The following NUBPL variants were observed in gnomAD, a reference collection of about 807,000 sequenced individuals.
NUBPL encodes the protein NUBP iron-sulfur cluster assembly factor, mitochondrial, also known as iron-sulfur cluster transfer protein NUBPL.
In NUBPL, 31 loss-of-function variants were observed where a neutral mutation model predicts 45.7. The ratio of observed to expected loss-of-function variants is 0.68; its 90% CI spans 0.51 to 0.92. The LOEUF is 0.92. Among genes scored for constraint, NUBPL ranks in the 40% least tolerant of loss-of-function variants. The probability of loss-of-function intolerance (pLI) is 0.00; values close to 1 mark genes in which losing one functional copy is unlikely to be tolerated. For missense variants in NUBPL, 401 were observed against 398.7 expected, an observed-to-expected ratio of 1.01 and a Z score of -0.05; for synonymous variants, 144 against 140.9, an observed-to-expected ratio of 1.02 and a Z score of -0.15.
intron 7 of NUBPL, among the ~76,000 whole-genome samples, chr14:31,791,970 T>G (rs1267283425): frequency 1.3e-5 from 2 of 152,194 alleles, no homozygotes; most frequent in African/African-American, 4.8e-5. Flanking sequence ...ATTTTCAAAT[T>G]TAATTCTTAC....
At chr14:31,810,794 C>G (rs2039787562) in intron 7 of NUBPL, among the ~76,000 whole-genome samples, 1 of 152,180 alleles carries the variant, frequency 6.6e-6, no homozygotes, top group African/African-American at 2.4e-5. Context: ...CCTTCAGGAG[C>G]TTTTGTAAGG....
At chr14:31,639,314 G>C (rs2035608305) in intron 4 of NUBPL, among the ~76,000 whole-genome samples, 1 of 152,192 alleles carries the variant, frequency 6.6e-6, no homozygotes, top group African/African-American at 2.4e-5. Context: ...AGGACCCTCA[G>C]CTGCAGGTCT....
At chr14:31,583,818 T>C (rs2033925709) in intron 3 of NUBPL, among the ~76,000 whole-genome samples, 1 of 152,166 alleles carries the variant, frequency 6.6e-6, no homozygotes, top group South Asian at 2.1e-4. Flanking sequence ...GGAGGTAGAA[T>C]TGGTAGGTCT....
intron 7 of NUBPL, among the ~76,000 whole-genome samples, chr14:31,801,989 A>G (rs966178912): frequency 2.6e-5 from 4 of 152,176 alleles, no homozygotes; most frequent in African/African-American, 9.7e-5. Flanking sequence ...GTGTGATACC[A>G]TTGCTGTGGT....
chr14:31,641,568 A>G (rs1352181713), intron 4 of NUBPL, among the ~76,000 whole-genome samples: 1 of 152,038 alleles, frequency 6.6e-6, no homozygotes, highest in Non-Finnish European at 1.5e-5. Context: ...TATTTTGTTT[A>G]TCCATATGCC....
At chr14:31,628,730 C>T (rs1453325670) in intron 4 of NUBPL, among the ~76,000 whole-genome samples, 1 of 152,066 alleles carries the variant, frequency 6.6e-6, no homozygotes, top group South Asian at 2.1e-4. Context: ...GGCTTTTCTT[C>T]GAGGTAGCTA....
intron 6 of NUBPL, among the ~76,000 whole-genome samples, chr14:31,736,383 A>C (rs752504988): frequency 1.3e-5 from 2 of 152,140 alleles, no homozygotes; most frequent in Non-Finnish European, 2.9e-5. Flanking sequence ...TTGTGTCTTT[A>C]TACTCAATAC....
intron 6 of NUBPL, among the ~76,000 whole-genome samples, chr14:31,725,437 T>C (rs1292035121): frequency 6.6e-6 from 1 of 152,310 alleles, no homozygotes; most frequent in Non-Finnish European, 1.5e-5. Flanking sequence ...GATATCAGAT[T>C]TTTTTTGGAT....
chr14:31,622,338 C>A (rs2035085317), intron 4 of NUBPL, among the ~76,000 whole-genome samples: 1 of 152,098 alleles, frequency 6.6e-6, no homozygotes, highest in South Asian at 2.1e-4. Context: ...ATATTGCAGC[C>A]TGACCATACG....
intron 6 of NUBPL, among the ~76,000 whole-genome samples, chr14:31,766,399 A>G (rs1476278016): frequency 6.6e-6 from 1 of 152,208 alleles, no homozygotes; most frequent in Non-Finnish European, 1.5e-5. Flanking sequence ...ATTTTTTAAA[A>G]TAAAGGATTC....
At chr14:31,834,395 G>A (rs12883664) in intron 8 of NUBPL, among the ~76,000 whole-genome samples, 3,765 of 152,072 alleles carry the variant, frequency 0.025, 64 homozygotes, top group Middle Eastern at 0.078. Flanking sequence ...TAGCCAGGAT[G>A]GTCTCGATCT....
intron 4 of NUBPL, among the ~76,000 whole-genome samples, chr14:31,630,902 A>C (rs886771192): frequency 2.0e-5 from 3 of 152,160 alleles, no homozygotes; most frequent in Admixed American, 6.5e-5. Context: ...CATTCATGTG[A>C]AAACTCCACA....
At chr14:31,662,286 TTATTTTATTTTA>T (rs2036289782) in intron 4 of NUBPL, 1 of 54,688 alleles carries the variant, frequency 1.8e-5, no homozygotes, top group Non-Finnish European at 7.9e-5. Context: ...TATATTTATT[TTATTTTATTTTA>T]CTTTATTTTA....
At chr14:31,829,659 C>T (rs1222604291) in intron 8 of NUBPL, among the ~76,000 whole-genome samples, 1 of 152,134 alleles carries the variant, frequency 6.6e-6, no homozygotes, top group Non-Finnish European at 1.5e-5. Flanking sequence ...GTCCAGCTCT[C>T]TGTTTTTCCC....
chr14:31,683,856 A>G (rs1595489479), intron 6 of NUBPL, among the ~76,000 whole-genome samples: 1 of 152,032 alleles, frequency 6.6e-6, no homozygotes, highest in South Asian at 2.1e-4. Context: ...TTTTCACTGC[A>G]TATAGAATTT....
chr14:31,581,870 AC>A (rs2033872765), intron 3 of NUBPL, among the ~76,000 whole-genome samples: 1 of 152,180 alleles, frequency 6.6e-6, no homozygotes, highest in Non-Finnish European at 1.5e-5. Context: ...TGGCCTTTTA[AC>A]TAGTACAATT....
chr14:31,630,446 A>G (rs1053917515), intron 4 of NUBPL, among the ~76,000 whole-genome samples: 3 of 152,198 alleles, frequency 2.0e-5, no homozygotes, highest in Non-Finnish European at 4.4e-5. Context: ...GAATGCCATT[A>G]GTTGGTGACC....
rs1555343675 is a variant in NUBPL, at chr14:31,846,359, T to TG, written c.694-112_694-111insG. On this transcript the variant is annotated intron_variant, in intron 8 of 10. Transcript: ENST00000281081. ...GGCCATAGTTTATTCATCATTGTGA[T>TG]AACATTGATGAGTGCCACTAGAACT... The TG allele has an allele frequency of 3.0e-5, 25 of 829,370 alleles. 1 individual carries two copies. The highest frequency in any genetic ancestry group is 1.2e-4 in the South Asian group (8 of 68,816). The allele number at this position is 829,370 out of a possible 1,614,324, so 51.4% of individuals were successfully genotyped here. A position where few individuals can be genotyped will look rare whatever the true frequency, so the allele number is the denominator to read the frequency against.
intron 4 of NUBPL, among the ~76,000 whole-genome samples, chr14:31,611,440 A>G (rs912195091): frequency 6.6e-6 from 1 of 152,246 alleles, no homozygotes; most frequent in African/African-American, 2.4e-5. Context: ...AAAAATGGAA[A>G]GATTTTCCAT....
Sources: gnomAD v4.1 joint callset for allele counts (sites outside exome capture counted in the v4.1 genomes callset) on GRCh38, gnomAD v4.1.1 for gene constraint, MANE v1.5 for transcripts, NCBI Gene and HGNC (gene_info 2026-07-23, HGNC 2026-07-21) for gene names.